SBNO1: variants seen among roughly 807,000 people sequenced by gnomAD.
SBNO1 encodes the protein strawberry notch homolog 1.
In SBNO1, 23 loss-of-function variants were observed where a neutral mutation model predicts 173.6. The ratio of observed to expected loss-of-function variants is 0.13; its 90% confidence interval spans 0.10 to 0.19. The LOEUF is 0.19. SBNO1 is among the 10% of genes least tolerant of loss of function. The pLI is 1.00. For missense variants in SBNO1, 1,238 were observed against 1,671.2 expected, an observed-to-expected ratio of 0.74 and a Z score of 4.52; for synonymous variants, 632 against 571.5, an observed-to-expected ratio of 1.11 and a Z score of -1.51.
chr12:123,289,424 A>G lies in SBNO1; in HGVS notation c.*6484T>C, dbSNP rs1207164260. ...CCCTTCACACACTGATGGACACGCT[A>G]CAACAGGAGCGATAACAAAAGGGAG... is the stretch of plus-strand genomic sequence containing the variant. On this transcript the variant is annotated 3_prime_UTR_variant, in exon 32 of 32. Transcript: ENST00000602398. 6.6e-6 allele frequency: 1 copy of G among 152,260 alleles called. No homozygotes were observed. Among genetic ancestry groups the G allele is most frequent in the Non-Finnish European group, 1.5e-5 (1 of 68,044 alleles). 9.4% of individuals were successfully genotyped at this position (152,260 alleles called of 1,614,324 possible).
intron 1 of SBNO1, among the ~76,000 whole-genome samples, chr12:123,354,200 A>ATAAG (rs1874182449): frequency 6.6e-6 from 1 of 152,212 alleles, no homozygotes; most frequent in African/African-American, 2.4e-5. Flanking sequence ...ACTCATAGGA[A>ATAAG]TCACAATTTG....
intron 4 of SBNO1, among the ~76,000 whole-genome samples, chr12:123,342,319 C>T (rs1198399805): frequency 4.6e-5 from 7 of 151,722 alleles, no homozygotes; most frequent in South Asian, 2.1e-4. Context: ...GGCGTGGTGG[C>T]GGGCGCCTGT....
Position 123,293,985 on chromosome 12 carries a change from G to A in SBNO1, c.*1923C>T, listed in dbSNP as rs951110131. On this transcript the variant is annotated 3_prime_UTR_variant, in exon 32 of 32. Coordinates refer to ENST00000602398, the MANE Select transcript of SBNO1 (RefSeq NM_001167856.3). ...TTTTAAAAACACACACATGAGCTGAGAAGTTCTGCTGAAGGTGGGGAGAGT... is the reference window on the plus strand; with the variant it reads ...TTTTAAAAACACACACATGAGCTGAAAAGTTCTGCTGAAGGTGGGGAGAGT... 6.6e-6 allele frequency: 1 copy of A among 152,240 alleles called. No individual in the cohort carries two copies. The highest frequency in any genetic ancestry group is 1.5e-5 in the Non-Finnish European group (1 of 68,056). The allele number at this position is 152,240 out of a possible 1,614,324, so 9.4% of individuals were successfully genotyped here.
At chr12:123,321,825 A>G (rs1468188316) in intron 16 of SBNO1, 93 bp from the exon 17 acceptor site, 2 of 1,060,626 alleles carry the variant, frequency 1.9e-6, no homozygotes, top group African/African-American at 1.6e-5. Context: ...ATTCAAATGA[A>G]AAGTGCAGAG....
At chr12:123,358,031 T>C (rs977563280) in intron 1 of SBNO1, among the ~76,000 whole-genome samples, 1 of 152,226 alleles carries the variant, frequency 6.6e-6, no homozygotes, top group Non-Finnish European at 1.5e-5. Flanking sequence ...GAGTTTCCCG[T>C]ATCTGAAACT....
chr12:123,356,303 T>C (rs1293808460), intron 1 of SBNO1, among the ~76,000 whole-genome samples: 2 of 152,246 alleles, frequency 1.3e-5, no homozygotes, highest in Non-Finnish European at 2.9e-5. Flanking sequence ...AGCTAGCTAC[T>C]ATCATTTATA....
chr12:123,301,960 A>C (rs1315878125), intron 30 of SBNO1, among the ~76,000 whole-genome samples: 3 of 150,786 alleles, frequency 2.0e-5, no homozygotes, highest in South Asian at 2.1e-4. Context: ...TTTTTTTAAG[A>C]GACAGTTTTT....
intron 29 of SBNO1, among the ~76,000 whole-genome samples, chr12:123,303,369 G>T (rs1285208907): frequency 6.6e-6 from 1 of 152,168 alleles, no homozygotes; most frequent in Non-Finnish European, 1.5e-5. Context: ...TTTTAGGCTG[G>T]GCACGGTGGC....
chr12:123,359,026 G>A (rs1443848824), intron 1 of SBNO1, among the ~76,000 whole-genome samples: 5 of 151,502 alleles, frequency 3.3e-5, no homozygotes, highest in African/African-American at 7.3e-5. Flanking sequence ...TCTGCCTCCC[G>A]GGTTCAAGTG....
chr12:123,324,423 G>C (rs995204789), intron 15 of SBNO1, among the ~76,000 whole-genome samples: 3 of 151,250 alleles, frequency 2.0e-5, no homozygotes, highest in East Asian at 3.9e-4. Flanking sequence ...CTGGGTTCAA[G>C]CAATTCTCCT....
intron 20 of SBNO1, among the ~76,000 whole-genome samples, chr12:123,317,608 C>T (rs995172131): frequency 1.3e-5 from 2 of 152,164 alleles, no homozygotes; most frequent in African/African-American, 2.4e-5. Flanking sequence ...CCCTTGTCTC[C>T]TCTCTGTTAG....
intron 29 of SBNO1, chr12:123,304,375 C>G (rs1258492271): frequency 2.6e-6 from 1 of 385,508 alleles, no homozygotes; most frequent in Non-Finnish European, 4.8e-6. Flanking sequence ...GCTGGAATTA[C>G]AGGTATGCAT....
intron 1 of SBNO1, among the ~76,000 whole-genome samples, chr12:123,360,967 C>T (rs1875083022): frequency 6.6e-6 from 1 of 151,856 alleles, no homozygotes; most frequent in Non-Finnish European, 1.5e-5. Flanking sequence ...AAAAATTGGC[C>T]GGGCACAGTG....
intron 1 of SBNO1, among the ~76,000 whole-genome samples, chr12:123,358,583 T>C (rs1191213899): frequency 6.6e-6 from 1 of 150,500 alleles, no homozygotes; most frequent in Non-Finnish European, 1.5e-5. Flanking sequence ...CTACTAAAAA[T>C]ACGAAAAAAA....
At chr12:123,338,295 G>C (rs1284460464) in intron 5 of SBNO1, among the ~76,000 whole-genome samples, 1 of 96,944 alleles carries the variant, frequency 1.0e-5, no homozygotes, top group African/African-American at 4.2e-5. Flanking sequence ...GCTCACGCCT[G>C]TAATCCCAGC....
intron 21 of SBNO1, among the ~76,000 whole-genome samples, chr12:123,316,805 C>G (rs1000257020): frequency 4.0e-5 from 6 of 150,664 alleles, no homozygotes; most frequent in African/African-American, 1.5e-4. Flanking sequence ...CAGGTTCAAG[C>G]AATTCTCCCG....
At chr12:123,355,748 A>T (rs750296818) in intron 1 of SBNO1, among the ~76,000 whole-genome samples, 12 of 152,150 alleles carry the variant, frequency 7.9e-5, no homozygotes, top group Non-Finnish European at 1.6e-4. Flanking sequence ...ATGGCACTGC[A>T]TTCCAGGCTG....
chr12:123,356,690 C>T (rs12368370), intron 1 of SBNO1, among the ~76,000 whole-genome samples: 7 of 152,204 alleles, frequency 4.6e-5, no homozygotes, highest in African/African-American at 9.7e-5. Flanking sequence ...TTGATCCATC[C>T]GCCTCGGCCT....
At chr12:123,316,722 A>ATTTT (rs1869330998) in intron 21 of SBNO1, among the ~76,000 whole-genome samples, 1 of 73,002 alleles carries the variant, frequency 1.4e-5, no homozygotes, top group Admixed American at 1.8e-4. Context: ...TTTTTTTTTG[A>ATTTT]GATGGAATCT....
Sources: gnomAD v4.1 joint callset for allele counts (sites outside exome capture counted in the v4.1 genomes callset) on GRCh38, gnomAD v4.1.1 for gene constraint, MANE v1.5 for transcripts, NCBI Gene and HGNC (gene_info 2026-07-23, HGNC 2026-07-21) for gene names.